The following RGS5 variants were observed in gnomAD, a reference collection of about 807,000 sequenced individuals.
RGS5 encodes the protein regulator of G-protein signalling 5.
Under a neutral mutation model 18.9 loss-of-function variants are expected in RGS5, and 20 were observed. The ratio of observed to expected loss-of-function variants is 1.06; its 90% confidence interval spans 0.74 to 1.54. The LOEUF (loss-of-function observed/expected upper bound fraction) is 1.54. RGS5 is among the 40% of genes most tolerant of loss of function. The pLI, the probability that RGS5 is intolerant of heterozygous loss-of-function variation, is 0.00. For synonymous variants in RGS5, 57 were observed against 76.2 expected, an observed-to-expected ratio of 0.75 and a Z score of 1.31; for missense variants, 201 against 211.8, an observed-to-expected ratio of 0.95 and a Z score of 0.32.
intron 1 of RGS5, among the ~76,000 whole-genome samples, chr1:163,188,421 A>T (rs1437547969): frequency 2.0e-5 from 3 of 152,190 alleles, no homozygotes; most frequent in Non-Finnish European, 4.4e-5. Context: ...TCCTCTGGTC[A>T]CCCAAAAGAT....
chr1:163,237,097 G>A (rs995253058), intron 2 of RGS5: 3 of 152,176 alleles, frequency 2.0e-5, no homozygotes, highest in Non-Finnish European at 2.9e-5. Flanking sequence ...AACAACTGAT[G>A]ACACTAAATG....
chr1:163,253,341 C>T (rs1034284722), intron 2 of RGS5, among the ~76,000 whole-genome samples: 16 of 152,234 alleles, frequency 1.1e-4, no homozygotes, highest in African/African-American at 3.9e-4. Flanking sequence ...CAGAGTCTCA[C>T]TCTGTTGCCC....
intron 1 of RGS5, among the ~76,000 whole-genome samples, chr1:163,315,782 A>G (rs1168672065): frequency 6.6e-6 from 1 of 152,202 alleles, no homozygotes; most frequent in Non-Finnish European, 1.5e-5. Context: ...AAAAGCAGAT[A>G]GCTATTTTGA....
At chr1:163,237,315 C>A in intron 2 of RGS5, 1 of 155,620 alleles carries the variant, frequency 6.4e-6, no homozygotes, top group South Asian at 1.8e-4. Flanking sequence ...TGGCAGTCTC[C>A]AGAATTCCAG....
intron 1 of RGS5, chr1:163,321,591 G>C (rs746303152): frequency 6.6e-6 from 1 of 152,166 alleles, no homozygotes. Context: ...TGTTCAACAA[G>C]TTATTATTAC....
intron 2 of RGS5, among the ~76,000 whole-genome samples, chr1:163,232,951 C>T (rs1440644694): frequency 2.6e-5 from 4 of 152,134 alleles, no homozygotes; most frequent in African/African-American, 9.7e-5. Flanking sequence ...ATTTACTATT[C>T]AGCCTATGTT....
At chr1:163,314,560 C>CAA (rs552982039) in intron 1 of RGS5, among the ~76,000 whole-genome samples, 3 of 150,692 alleles carry the variant, frequency 2.0e-5, no homozygotes, top group African/African-American at 7.3e-5. Flanking sequence ...ACAACAACAA[C>CAA]AACAAAAAAA....
chr1:163,316,704 C>T (rs2101653975), intron 1 of RGS5, among the ~76,000 whole-genome samples: 1 of 152,204 alleles, frequency 6.6e-6, no homozygotes, highest in Admixed American at 6.5e-5. Context: ...TCTAATAGAA[C>T]ACTTTTTATG....
intron 1 of RGS5, among the ~76,000 whole-genome samples, chr1:163,216,037 G>T (rs1041572068): frequency 6.6e-6 from 1 of 152,140 alleles, no homozygotes; most frequent in Non-Finnish European, 1.5e-5. Context: ...CCTCCCAAAG[G>T]CATGTTCAGT....
At chr1:163,217,531 T>C (rs987867483) in exon 1 of RGS5, 2 of 1,537,532 alleles carry the variant, frequency 1.3e-6, no homozygotes, top group Non-Finnish European at 1.7e-6. Context: ...CATACATTGA[T>C]ATGCCAATGA....
chr1:163,196,045 C>G (rs569740106), intron 1 of RGS5, among the ~76,000 whole-genome samples: 1 of 152,234 alleles, frequency 6.6e-6, no homozygotes, highest in South Asian at 2.1e-4. Context: ...TCACATCCTT[C>G]CTTACTGTGA....
At position 163,152,725 on chromosome 1, in the gene RGS5, A is replaced by G; in HGVS notation, c.218-9T>C. The G allele has an allele frequency of 6.4e-7, 1 of 1,568,940 alleles. No homozygotes were observed. The highest frequency in any genetic ancestry group is 8.6e-7 in the Non-Finnish European group (1 of 1,163,134). On this transcript the variant is annotated splice_polypyrimidine_tract_variant and intron_variant, in intron 3 of 4. Coordinates refer to ENST00000313961, the MANE Select transcript of RGS5 (RefSeq NM_003617.4). Reference sequence around the variant, plus strand: ...GAAACTGGCAAGTCCATCTGGAAAGAAAAAAACAGTCAGCTGGAGAAATTT... The same window carrying G: ...GAAACTGGCAAGTCCATCTGGAAAGGAAAAAACAGTCAGCTGGAGAAATTT...
At chr1:163,192,417 T>C (rs1659395866) in intron 1 of RGS5, among the ~76,000 whole-genome samples, 1 of 152,104 alleles carries the variant, frequency 6.6e-6, no homozygotes, top group African/African-American at 2.4e-5. Context: ...AAGTGTTGTG[T>C]GAGGAGAGAG....
intron 3 of RGS5, among the ~76,000 whole-genome samples, chr1:163,158,559 C>T (rs932762318): frequency 1.3e-5 from 2 of 152,108 alleles, no homozygotes; most frequent in African/African-American, 2.4e-5. Flanking sequence ...CAGCAGGTTC[C>T]ATAATGCCCC....
At chr1:163,293,992 C>A (rs1649358526) in intron 2 of RGS5, among the ~76,000 whole-genome samples, 1 of 152,206 alleles carries the variant, frequency 6.6e-6, no homozygotes, top group Non-Finnish European at 1.5e-5. Context: ...GGCAGCTCTG[C>A]CTCTGTGGCT....
intron 2 of RGS5, among the ~76,000 whole-genome samples, chr1:163,279,312 T>C (rs1289946971): frequency 6.6e-6 from 1 of 151,876 alleles, no homozygotes; most frequent in African/African-American, 2.4e-5. Flanking sequence ...TGAAATAATA[T>C]CAAGTATCTT....
intron 2 of RGS5, among the ~76,000 whole-genome samples, chr1:163,279,263 T>C (rs998774048): frequency 3.3e-5 from 5 of 152,074 alleles, no homozygotes; most frequent in Admixed American, 2.0e-4. Context: ...GGATAGACCA[T>C]GTTAGGCCAC....
intron 2 of RGS5, among the ~76,000 whole-genome samples, chr1:163,296,222 C>T (rs1202036928): frequency 6.6e-6 from 1 of 152,082 alleles, no homozygotes; most frequent in Admixed American, 6.6e-5. Context: ...GTAGGGGTGG[C>T]TGTAGAGAGA....
rs557964316 is a variant in RGS5 at position 163,230,862 on chromosome 1, G to A, written c.-280-62494C>T. 5.6e-4 allele frequency among the ~76,000 whole-genome samples: 86 copies of A among 152,224 alleles called. 1 individual carries two copies. The highest frequency in any genetic ancestry group is 6.6e-4 in the Non-Finnish European group (45 of 68,014). ...AGTTTCTATATGCCACATAAGAGGC[G>A]TAACAGGATATGTTAATCAGATGTC... On this transcript the variant is annotated intron_variant, in intron 2 of 5. Coordinates refer to the RGS5 transcript ENST00000618415.
Sources: gnomAD v4.1 joint callset for allele counts (sites outside exome capture counted in the v4.1 genomes callset) on GRCh38, gnomAD v4.1.1 for gene constraint, MANE v1.5 for transcripts, NCBI Gene and HGNC (gene_info 2026-07-23, HGNC 2026-07-21) for gene names.